DPPA2: variants seen among roughly 807,000 people sequenced by gnomAD.
DPPA2 encodes the protein developmental pluripotency-associated protein 2.
Under a neutral mutation model 36.2 loss-of-function variants are expected in DPPA2, and 26 were observed. The observed-to-expected ratio is 0.72, with a 90% CI of 0.53 to 1.00. The LOEUF is 1.00. Ranked by LOEUF, DPPA2 falls within the 50% of genes least tolerant of loss-of-function variation. The pLI, the probability that DPPA2 is intolerant of heterozygous loss-of-function variation, is 0.00. For synonymous variants in DPPA2, 113 were observed against 123.2 expected (o/e 0.92, Z 0.55); for missense variants, 361 against 365.1 (o/e 0.99, Z 0.09).
Position 109,304,461 on chromosome 3 carries a change from T to C in DPPA2, c.854+14A>G. On this transcript the variant is annotated intron_variant, in intron 7 of 8. Transcript: ENST00000478945. ...TTTCTGTGTGCCATGCTTAACAAGATACATAAGGGTTACCTCTTAGCACAG... is the reference window on the plus strand; with the variant it reads ...TTTCTGTGTGCCATGCTTAACAAGACACATAAGGGTTACCTCTTAGCACAG... 1.3e-6 allele frequency: 2 copies of C among 1,591,812 alleles called. No individual in the cohort carries two copies. The highest frequency in any genetic ancestry group is 1.7e-6 in the Non-Finnish European group (2 of 1,169,960).
At chr3:109,300,546 G>T in intron 7 of DPPA2, 111 bp from the exon 8 acceptor site, 1 of 1,059,464 alleles carries the variant, frequency 9.4e-7, no homozygotes, top group Non-Finnish European at 1.4e-6. Flanking sequence ...TCTGGGCCGG[G>T]TGTGGTGGCT....
chr3:109,312,020 C>T (rs771608765), intron 3 of DPPA2, among the ~76,000 whole-genome samples: 66 of 152,294 alleles, frequency 4.3e-4, no homozygotes, highest in Non-Finnish European at 8.7e-4. Flanking sequence ...GTCCAAAGCG[C>T]TCCCCATGCT....
At chr3:109,303,738 T>G (rs986868949) in intron 7 of DPPA2, among the ~76,000 whole-genome samples, 2 of 152,152 alleles carry the variant, frequency 1.3e-5, no homozygotes, top group African/African-American at 4.8e-5. Flanking sequence ...GTATCTGACA[T>G]GTATTAAAAA....
rs779225320 is a variant in DPPA2 at position 109,309,184 on chromosome 3, T to C, written c.328A>G (p.Ser110Gly). 4 of 1,614,172 alleles carry C rather than the reference T, an allele frequency of 2.5e-6. No homozygotes were observed. Among genetic ancestry groups the C allele is most frequent in the Non-Finnish European group, 3.4e-6 (4 of 1,180,042 alleles). The change falls in exon 4 of 9, where the codon AGT becomes GGT. Residue 110 changes from serine (S) to glycine (G), a missense_variant. Transcript: ENST00000478945. ...LRDWCQQLGL[S>G]TNGKKIEVYL... is the part of the protein sequence containing the mutation. ...AGTGTACTAACCTTGCCATTAGTAC[T>C]CAAACCGAGTTGTTGACACCAGTCC...
Position 109,304,771 on chromosome 3 carries a change from A to C in DPPA2, c.659-101T>G, listed in dbSNP as rs140559668. On this transcript the variant is annotated intron_variant, in intron 6 of 8. Coordinates refer to ENST00000478945, the MANE Select transcript of DPPA2 (RefSeq NM_138815.4). ...GAATTTGCTCTTGTATTCTGCTCAC[A>C]AATCAATTGAATGAGATGCATGAAA... is the stretch of plus-strand genomic sequence containing the variant. 47 of 1,191,008 alleles carry C rather than the reference A, an allele frequency of 3.9e-5. No individual in the cohort carries two copies. In the East Asian group the frequency reaches 7.9e-4, roughly 20 times the overall value. The allele number at this position is 1,191,008 out of a possible 1,614,324, so 73.8% of individuals were successfully genotyped here.
intron 1 of DPPA2, among the ~76,000 whole-genome samples, 162 bp from the exon 2 acceptor site, chr3:109,314,717 G>A (rs1040502125): frequency 3.3e-5 from 5 of 152,008 alleles, no homozygotes; most frequent in African/African-American, 7.3e-5. Flanking sequence ...TCTGGTAATG[G>A]GATAATTTTA....
intron 1 of DPPA2, among the ~76,000 whole-genome samples, chr3:109,315,058 A>G (rs903769238): frequency 2.0e-5 from 3 of 152,232 alleles, no homozygotes; most frequent in African/African-American, 7.2e-5. Context: ...CTCTGTCTCA[A>G]CAAGTGAAAG....
intron 5 of DPPA2, 145 bp from the exon 6 acceptor site, chr3:109,308,438 C>T (rs1707620774): frequency 9.3e-7 from 1 of 1,077,674 alleles, no homozygotes. Flanking sequence ...TCTCGGCTCA[C>T]CGCAACCTCC....
At chr3:109,304,879 G>A (rs1387623549) in intron 6 of DPPA2, among the ~76,000 whole-genome samples, 3 of 152,224 alleles carry the variant, frequency 2.0e-5, no homozygotes, top group Non-Finnish European at 4.4e-5. Flanking sequence ...AGGCGCGGTG[G>A]CTCACGCCTG....
At chr3:109,298,057 G>A (rs974566509) in intron 8 of DPPA2, among the ~76,000 whole-genome samples, 3 of 151,900 alleles carry the variant, frequency 2.0e-5, no homozygotes, top group African/African-American at 7.3e-5. Context: ...GCTGCAATGA[G>A]CTATGACTGC....
At chr3:109,300,810 A>G (rs1707444153) in intron 7 of DPPA2, among the ~76,000 whole-genome samples, 1 of 115,558 alleles carries the variant, frequency 8.7e-6, no homozygotes, top group Non-Finnish European at 1.7e-5. Context: ...TGACAGAGCG[A>G]GACTCAGTCT....
At chr3:109,314,894 A>G (rs1442426770) in intron 1 of DPPA2, among the ~76,000 whole-genome samples, 1 of 152,008 alleles carries the variant, frequency 6.6e-6, no homozygotes, top group Non-Finnish European at 1.5e-5. Flanking sequence ...CGAGACCCCC[A>G]TTTCTACAAA....
At chr3:109,314,263 A>C (rs964235208) in intron 2 of DPPA2, among the ~76,000 whole-genome samples, 2 of 152,050 alleles carry the variant, frequency 1.3e-5, no homozygotes, top group Non-Finnish European at 2.9e-5. Flanking sequence ...TTTCCTACCA[A>C]AGAAATATTT....
chr3:109,296,975 A>G (rs1211010515), intron 8 of DPPA2, among the ~76,000 whole-genome samples: 1 of 152,084 alleles, frequency 6.6e-6, no homozygotes, highest in Non-Finnish European at 1.5e-5. Context: ...CTGTAGTCCC[A>G]GTAGGATACT....
chr3:109,310,926 T>A (rs1707698657), intron 3 of DPPA2, among the ~76,000 whole-genome samples: 1 of 151,848 alleles, frequency 6.6e-6, no homozygotes, highest in Non-Finnish European at 1.5e-5. Context: ...CTCAGCCTCC[T>A]CAGTAGCTGG....
chr3:109,309,134 AT>A (rs1392654405), intron 4 of DPPA2, 35 bp downstream of exon 4: 1 of 1,614,180 alleles, frequency 6.2e-7, no homozygotes, highest in Non-Finnish European at 8.5e-7. Flanking sequence ...TCCCATAATT[AT>A]TCCCAGCAGC....
chr3:109,311,943 G>A (rs1011737939), intron 3 of DPPA2, among the ~76,000 whole-genome samples: 1 of 152,100 alleles, frequency 6.6e-6, no homozygotes. Context: ...TTTTATAGAA[G>A]AGGAGATTGA....
Position 109,304,660 on chromosome 3 carries a change from C to G in DPPA2, c.669G>C (p.Trp223Cys), listed in dbSNP as rs750821612. 6.3e-7 allele frequency: 1 copy of G among 1,585,236 alleles called. No individual in the cohort carries two copies. Among genetic ancestry groups the G allele is most frequent in the Non-Finnish European group, 8.6e-7 (1 of 1,167,866 alleles). ...AFLMQASGVR[W>C]CVVHGRLLSA... The stretch of plus-strand genomic sequence containing the variant: ...AGAGAAGTCTGCCATGGACCACACA[C>G]CACCTGACGCCTGGAAAGGAAAAAC... The change falls in exon 7 of 9, where the codon TGG (tryptophan) becomes TGC (cysteine). Residue 223 changes from tryptophan (W) to cysteine (C), a missense_variant. Physicochemically the swap from Trp to Cys is radical, Grantham distance 215. Coordinates refer to ENST00000478945, the MANE Select transcript of DPPA2 (RefSeq NM_138815.4).
Position 109,312,674 on chromosome 3 carries a change from C to T in DPPA2, c.52G>A (p.Val18Ile), listed in dbSNP as rs750500187. 7 of 1,613,550 alleles carry T rather than the reference C, an allele frequency of 4.3e-6. No individual in the cohort carries two copies. Among genetic ancestry groups the T allele is most frequent in the Non-Finnish European group, 5.9e-6 (7 of 1,179,680 alleles). The change falls in exon 3 of 9, where the codon GTA (valine) becomes ATA (isoleucine). Residue 18 changes from valine (V) to isoleucine (I), a missense_variant. Physicochemically the swap from Val to Ile is conservative, Grantham distance 29. Transcript: ENST00000478945. ...AAAATCACACTTTCCTCATCATCTA[C>T]TTCCCCCTCCAAGAAATTCTGGAAA... is the stretch of plus-strand genomic sequence containing the variant. ...SSKKNFLEGE[V>I]DDEESVILTL...
Sources: gnomAD v4.1 joint callset for allele counts (sites outside exome capture counted in the v4.1 genomes callset) on GRCh38, gnomAD v4.1.1 for gene constraint, MANE v1.5 for transcripts, NCBI Gene and HGNC (gene_info 2026-07-23, HGNC 2026-07-21) for gene names.